The following PDCD11 variants were observed in gnomAD, a reference collection of about 807,000 sequenced individuals.
PDCD11 encodes protein RRP5 homolog.
In PDCD11, 97 loss-of-function variants were observed where a neutral mutation model predicts 198.9. That is an observed-to-expected ratio of 0.49 (90% CI 0.41 to 0.58). The LOEUF (loss-of-function observed/expected upper bound fraction) is 0.58, where lower values mean the gene tolerates loss of function less well. Ranked by LOEUF, PDCD11 falls within the 20% of genes least tolerant of loss-of-function variation. The pLI is 0.00. For synonymous variants in PDCD11, 893 were observed against 918.0 expected, an observed-to-expected ratio of 0.97 and a Z score of 0.49; for missense variants, 2,102 against 2,312.7, an observed-to-expected ratio of 0.91 and a Z score of 1.87.
At chr10:103,444,166 G>T (rs2032504870) in intron 34 of PDCD11, 98 bp downstream of exon 34, 1 of 1,029,238 alleles carries the variant, frequency 9.7e-7, no homozygotes, top group Non-Finnish European at 1.4e-6. Flanking sequence ...GGAGAGCCTT[G>T]TGAGGGCTTT....
Position 103,409,804 on chromosome 10 carries a change from G to T in PDCD11, c.976G>T (p.Ala326Ser). ...KKAGTYFSNQ[A>S]VRACILCVHP... ...AGCTGGAACATATTTCTCAAATCAGGCAGTAAGAAATGTTGAGCCTATATT... is the reference window on the plus strand; with the variant it reads ...AGCTGGAACATATTTCTCAAATCAGTCAGTAAGAAATGTTGAGCCTATATT... Residue 326 changes from alanine (A) to serine (S), a missense_variant and splice_region_variant, in exon 8 of 36, where the codon GCA becomes TCA. By Grantham distance (99) the Ala-to-Ser change is moderately conservative. Transcript: ENST00000369797. 1.2e-6 allele frequency: 2 copies of T among 1,607,798 alleles called. No individual in the cohort carries two copies. Among genetic ancestry groups the T allele is most frequent in the Non-Finnish European group, 1.7e-6 (2 of 1,174,266 alleles).
intron 21 of PDCD11, among the ~76,000 whole-genome samples, chr10:103,428,433 T>C (rs1398531075): frequency 1.4e-5 from 2 of 146,020 alleles, no homozygotes; most frequent in Non-Finnish European, 3.0e-5. Flanking sequence ...GGGGATGAAT[T>C]ACATTCCTAT....
chr10:103,444,299 C>T, intron 34 of PDCD11: 2 of 624,148 alleles, frequency 3.2e-6, no homozygotes, highest in South Asian at 2.0e-5. Context: ...CCCCTGGGAT[C>T]CCCCACCTCT....
chr10:103,417,817 G>T lies in PDCD11; in HGVS notation c.1796G>T (p.Cys599Phe). Residue 599 changes from cysteine to phenylalanine, a missense_variant, in exon 14 of 36, where the codon TGT becomes TTT. Physicochemically the swap from Cys to Phe is radical, Grantham distance 205. Transcript: ENST00000369797. ...GTGGTGAAGGTTGTCGTATTGAACT[G>T]TGAGCCATCCAAAGAGAGGATGCTC... ...GQVVKVVVLN[C>F]EPSKERMLLS... 6.2e-7 allele frequency: 1 copy of T among 1,614,136 alleles called. No individual in the cohort carries two copies.
chr10:103,400,454 AC>A lies in PDCD11; in HGVS notation c.161del (p.Thr54LysfsTer4). 1 of 1,614,126 alleles carries A rather than the reference AC, an allele frequency of 6.2e-7. No individual in the cohort carries two copies. Among genetic ancestry groups the A allele is most frequent in the Non-Finnish European group, 8.5e-7 (1 of 1,179,994 alleles). On this transcript the variant is annotated frameshift_variant, in exon 3 of 36. Transcript: ENST00000369797. LOFTEE classifies it high-confidence loss of function. The part of the protein sequence containing the change: ...RKKSQKGPAK[T>X]KKLKIEKRES... ...AAAGAGCCAGAAGGGGCCAGCAAAA[AC>A]AAAAAAGTTGAAAATCGAAAAGAGA...
intron 4 of PDCD11, 102 bp from the exon 5 acceptor site, chr10:103,404,920 T>C: frequency 9.1e-7 from 1 of 1,095,262 alleles, no homozygotes. Context: ...TTTTGGGTTC[T>C]CTGGGGTCTG....
chr10:103,419,828 C>A, intron 16 of PDCD11, 120 bp downstream of exon 16: 1 of 867,484 alleles, frequency 1.2e-6, no homozygotes, highest in Non-Finnish European at 1.7e-6. Context: ...CTTGTTCTGT[C>A]GCCCAGGCTG....
At chr10:103,422,838 G>C (rs2031514312) in intron 17 of PDCD11, 150 bp from the exon 18 acceptor site, 1 of 548,852 alleles carries the variant, frequency 1.8e-6, no homozygotes, top group Admixed American at 4.3e-5. Flanking sequence ...AGTTTTCATG[G>C]ATACTGAACA....
intron 34 of PDCD11, 78 bp downstream of exon 34, chr10:103,444,146 T>C: frequency 7.6e-7 from 1 of 1,316,152 alleles, no homozygotes; most frequent in East Asian, 2.4e-5. Flanking sequence ...GCATTGCTTC[T>C]TCTAAGTCAG....
In PDCD11 at chr10:103,434,370, C is replaced by A; in HGVS notation, c.3667+20C>A. 2 of 1,496,926 alleles carry A rather than the reference C, an allele frequency of 1.3e-6. No homozygotes were observed. Among genetic ancestry groups the A allele is most frequent in the Non-Finnish European group, 1.9e-6 (2 of 1,074,204 alleles). 92.7% of individuals were successfully genotyped at this position (1,496,926 alleles called of 1,614,324 possible). A position where few individuals can be genotyped will look rare whatever the true frequency, so the allele number is the denominator to read the frequency against. Reference sequence around the variant, plus strand: ...TCACAGGTGTGGGGATGAAACAGTGCCTGGTCGGGGAAGGGGAGCGGCAGG... The same window carrying A: ...TCACAGGTGTGGGGATGAAACAGTGACTGGTCGGGGAAGGGGAGCGGCAGG... On this transcript the variant is annotated intron_variant, in intron 24 of 35. Transcript: ENST00000369797.
At chr10:103,417,666 C>A in intron 13 of PDCD11, 126 bp from the exon 14 acceptor site, 3 of 936,112 alleles carry the variant, frequency 3.2e-6, no homozygotes, top group South Asian at 1.8e-5. Context: ...CTTTTCACTG[C>A]CTCCTGATCT....
At chr10:103,424,842 C>A in intron 19 of PDCD11, 142 bp from the exon 20 acceptor site, 1 of 810,046 alleles carries the variant, frequency 1.2e-6, no homozygotes, top group Non-Finnish European at 1.9e-6. Context: ...GAAGGCTAGT[C>A]TGTTCCAGCT....
chr10:103,444,801 G>A, intron 35 of PDCD11, 119 bp downstream of exon 35: 1 of 907,066 alleles, frequency 1.1e-6, no homozygotes, highest in Non-Finnish European at 1.8e-6. Context: ...AGCTAGATGT[G>A]ATGCCCCAGG....
intron 33 of PDCD11, 102 bp from the exon 34 acceptor site, chr10:103,443,813 T>A (rs1564781055): frequency 8.3e-7 from 1 of 1,203,712 alleles, no homozygotes; most frequent in Admixed American, 1.9e-5. Context: ...TGATTTGGTG[T>A]CTGGGAGCCC....
At chr10:103,438,269 C>T (rs2032235001) in intron 26 of PDCD11, among the ~76,000 whole-genome samples, 198 bp downstream of exon 26, 1 of 152,204 alleles carries the variant, frequency 6.6e-6, no homozygotes, top group African/African-American at 2.4e-5. Flanking sequence ...TCTTGTTTTC[C>T]ATGGAAAGGG....
At chr10:103,412,556 G>A (rs1181228146) in intron 8 of PDCD11, among the ~76,000 whole-genome samples, 2 of 151,708 alleles carry the variant, frequency 1.3e-5, no homozygotes, top group East Asian at 1.9e-4. Flanking sequence ...TCCTGACCTC[G>A]TGATCTGCCT....
chr10:103,407,776 T>TGGC (rs1360070525), intron 7 of PDCD11, among the ~76,000 whole-genome samples: 2 of 151,706 alleles, frequency 1.3e-5, no homozygotes, highest in Middle Eastern at 3.2e-3. Context: ...TGGCATGCAG[T>TGGC]GGCGTGATCT....
rs2030477050 is a variant in PDCD11, at chr10:103,406,736, C to G, written c.816C>G (p.Ser272Arg). The change falls in exon 7 of 36, where the codon AGC becomes AGG. Residue 272 changes from serine to arginine, a missense_variant. Coordinates refer to ENST00000369797, the MANE Select transcript of PDCD11 (RefSeq NM_014976.2). ...VSTAIATEQQSWNLNNLLPGL... is the reference protein window; with the variant it reads ...VSTAIATEQQRWNLNNLLPGL... The stretch of plus-strand genomic sequence containing the variant: ...CGGCCATTGCTACTGAACAGCAGAG[C>G]TGGAACCTTAATAACTTGCTACCAG... 2.5e-6 allele frequency: 4 copies of G among 1,614,160 alleles called. No homozygotes were observed. The highest frequency in any genetic ancestry group is 4.5e-5 in the East Asian group (2 of 44,890).
chr10:103,397,236 A>G (rs1008952408), intron 1 of PDCD11, among the ~76,000 whole-genome samples: 6 of 126,868 alleles, frequency 4.7e-5, no homozygotes, highest in African/African-American at 1.8e-4. Flanking sequence ...TTTTTCTGTC[A>G]CTGAGATAAC....
Sources: allele counts gnomAD v4.1 joint callset (sites outside exome capture counted in the v4.1 genomes callset), GRCh38; gene constraint gnomAD v4.1.1; transcripts MANE v1.5; gene names NCBI Gene and HGNC (gene_info 2026-07-23, HGNC 2026-07-21).